LIMCH1: variants seen among roughly 807,000 people sequenced by gnomAD.
LIMCH1 encodes LIM and calponin homology domains 1.
A neutral mutation model predicts 176.5 loss-of-function variants in LIMCH1; 113 were observed. The ratio of observed to expected loss-of-function variants is 0.64; its 90% confidence interval spans 0.55 to 0.75. The LOEUF is 0.75. Ranked by LOEUF, LIMCH1 falls within the 30% of genes least tolerant of loss-of-function variation. The pLI is 0.00. For missense variants in LIMCH1, 1,674 were observed against 1,814.9 expected, an observed-to-expected ratio of 0.92 and a Z score of 1.41; for synonymous variants, 619 against 645.9, an observed-to-expected ratio of 0.96 and a Z score of 0.63.
chr4:41,413,330 A>G (rs2059653054), intron 1 of LIMCH1, among the ~76,000 whole-genome samples: 1 of 151,122 alleles, frequency 6.6e-6, no homozygotes, highest in African/African-American at 2.4e-5. Flanking sequence ...AAATGTATCT[A>G]CAATTTGACT....
intron 2 of LIMCH1, among the ~76,000 whole-genome samples, chr4:41,497,526 G>GGGCAC (rs1561550184): frequency 6.6e-6 from 1 of 152,086 alleles, no homozygotes; most frequent in Admixed American, 6.6e-5. Flanking sequence ...AAGTTTGGCC[G>GGGCAC]GGCACGGTGG....
intron 1 of LIMCH1, among the ~76,000 whole-genome samples, chr4:41,396,949 T>C (rs2154114618): frequency 6.6e-6 from 1 of 152,018 alleles, no homozygotes; most frequent in Admixed American, 6.5e-5. Flanking sequence ...AAGACAGGTA[T>C]GTTTGGAGTA....
chr4:41,538,407 A>G (rs1342290317), intron 1 of LIMCH1, 57 bp downstream of exon 1: 2 of 944,078 alleles, frequency 2.1e-6, no homozygotes, highest in Non-Finnish European at 2.5e-6. Flanking sequence ...TGATGGAAAG[A>G]AGGAAGCTAT....
intron 14 of LIMCH1, among the ~76,000 whole-genome samples, chr4:41,640,731 T>C (rs2093785060): frequency 6.6e-6 from 1 of 152,212 alleles, no homozygotes; most frequent in Non-Finnish European, 1.5e-5. Flanking sequence ...ATATCTCCTT[T>C]TTCCAAAATC....
chr4:41,366,682 G>A (rs1255592968), intron 1 of LIMCH1, among the ~76,000 whole-genome samples: 4 of 152,160 alleles, frequency 2.6e-5, no homozygotes, highest in Admixed American at 6.5e-5. Flanking sequence ...AAAAATGATA[G>A]AATATTGGAA....
chr4:41,371,765 C>T (rs1349649515), intron 1 of LIMCH1, among the ~76,000 whole-genome samples: 1 of 152,178 alleles, frequency 6.6e-6, no homozygotes, highest in Non-Finnish European at 1.5e-5. Context: ...GATAGTTCTT[C>T]TTTTGGCCTC....
At chr4:41,676,356 G>T in intron 22 of LIMCH1, 26 bp from the exon 23 acceptor site, 1 of 1,599,648 alleles carries the variant, frequency 6.3e-7, no homozygotes, top group South Asian at 1.1e-5. Flanking sequence ...GCTCAATTCT[G>T]ATCATGGTTT....
chr4:41,681,432 C>T (rs1370998631), intron 25 of LIMCH1, among the ~76,000 whole-genome samples: 1 of 152,144 alleles, frequency 6.6e-6, no homozygotes, highest in Non-Finnish European at 1.5e-5. Flanking sequence ...TTCCCCTCTG[C>T]CATACTATAC....
At chr4:41,420,249 G>C (rs1051423703) in intron 1 of LIMCH1, among the ~76,000 whole-genome samples, 6 of 152,126 alleles carry the variant, frequency 3.9e-5, no homozygotes, top group Non-Finnish European at 7.4e-5. Flanking sequence ...GATTAACTGA[G>C]GTAACATGCC....
chr4:41,648,658 GGTGTGTGTGTGTGTGTGTGTGTGTGT>G (rs71650941), intron 17 of LIMCH1, among the ~76,000 whole-genome samples: 1 of 135,334 alleles, frequency 7.4e-6, no homozygotes, highest in Non-Finnish European at 1.6e-5. Flanking sequence ...AAGGGGTAGG[GGTGTGTGTGTGTGTGTGTGTGTGTGT>G]GTGTGTGTGT....
At chr4:41,624,105 A>G (rs1044468544) in intron 7 of LIMCH1, among the ~76,000 whole-genome samples, 1 of 152,212 alleles carries the variant, frequency 6.6e-6, no homozygotes, top group Admixed American at 6.5e-5. Context: ...TTAAAATGCC[A>G]TGGAGATTTG....
intron 1 of LIMCH1, among the ~76,000 whole-genome samples, chr4:41,408,689 T>A (rs907249142): frequency 6.6e-6 from 1 of 152,170 alleles, no homozygotes; most frequent in African/African-American, 2.4e-5. Flanking sequence ...TTTTATGGAA[T>A]CAAAAAGGGT....
chr4:41,535,880 T>G (rs1490374407), upstream of LIMCH1, among the ~76,000 whole-genome samples: 1 of 152,168 alleles, frequency 6.6e-6, no homozygotes, highest in Non-Finnish European at 1.5e-5. Context: ...TTTCCCCAAC[T>G]TCATTTTTTT....
Position 41,603,878 on chromosome 4 carries a change from C to G in LIMCH1, c.-130C>G. The G allele has an allele frequency of 6.2e-7, 1 of 1,604,708 alleles. No homozygotes were observed. Among genetic ancestry groups the G allele is most frequent in the Non-Finnish European group, 8.5e-7 (1 of 1,172,674 alleles). On this transcript the variant is annotated 5_prime_UTR_variant, in exon 3 of 32. Coordinates refer to ENST00000503057, the MANE Select transcript of LIMCH1 (RefSeq NM_001330672.2). ...TCTTTTCCCTTTCCTTGACTAGGAG[C>G]CTTGATTATAGTAGGAAGCTGAAAA...
chr4:41,585,095 C>A (rs1439282511), intron 1 of LIMCH1, among the ~76,000 whole-genome samples: 2 of 152,194 alleles, frequency 1.3e-5, no homozygotes, highest in Non-Finnish European at 2.9e-5. Flanking sequence ...CTTCCAAATA[C>A]CATCACATTG....
At chr4:41,604,001 T>C in intron 3 of LIMCH1, 96 bp downstream of exon 3, 1 of 1,158,244 alleles carries the variant, frequency 8.6e-7, no homozygotes. Context: ...GAAAAAGTCC[T>C]TAGAAAAAAG....
intron 3 of LIMCH1, among the ~76,000 whole-genome samples, chr4:41,531,942 A>G (rs1402235402): frequency 6.6e-6 from 1 of 152,196 alleles, no homozygotes; most frequent in Admixed American, 6.5e-5. Flanking sequence ...ACTGAGGGAA[A>G]TGAATAGACA....
At position 41,646,237 on chromosome 4, in the gene LIMCH1, C is replaced by T. The variant is rs1320639705; in HGVS notation, c.2368C>T (p.Arg790Ter). ...GGCTGGAGAAGATGGGACAAGTGAA[C>T]GAAGGAAAAGCATCAAAACCTACAG... ...LLAGEDGTSE[R>*]RKSIKTYREI... The change falls in exon 16 of 32, where the codon CGA becomes TGA. Residue 790 changes from arginine (R) to a stop codon, truncating the protein, a stop_gained. Coordinates refer to ENST00000503057, the MANE Select transcript of LIMCH1 (RefSeq NM_001330672.2). LOFTEE classifies it high-confidence loss of function. 6 of 1,612,294 alleles carry T rather than the reference C, an allele frequency of 3.7e-6. No individual in the cohort carries two copies. Among genetic ancestry groups the T allele is most frequent in the South Asian group, 1.1e-5 (1 of 90,510 alleles).
At chr4:41,649,835 A>G (rs1481424693) in intron 17 of LIMCH1, among the ~76,000 whole-genome samples, 1 of 152,196 alleles carries the variant, frequency 6.6e-6, no homozygotes, top group Admixed American at 6.5e-5. Context: ...TAAAAAATGG[A>G]GGTTATAAAA....
Sources: allele counts gnomAD v4.1 joint callset (sites outside exome capture counted in the v4.1 genomes callset), GRCh38; gene constraint gnomAD v4.1.1; transcripts MANE v1.5; gene names NCBI Gene and HGNC (gene_info 2026-07-23, HGNC 2026-07-21).